Variants in C8orf82 observed in about 807,000 individuals in gnomAD.
The protein encoded by C8orf82 is chromosome 8 open reading frame 82.
C8orf82 carries 24 observed loss-of-function variants against 15.0 expected under a neutral mutation model. The observed-to-expected ratio is 1.60, with a 90% CI of 1.16 to 2.24. C8orf82 has a LOEUF of 2.24. C8orf82 is among the 30% of genes most tolerant of loss of function. C8orf82 has a pLI of 0.00. For missense variants in C8orf82, 388 were observed against 317.4 expected (o/e 1.22, Z -1.69); for synonymous variants, 205 against 152.2 (o/e 1.35, Z -2.55).
Position 144,527,612 on chromosome 8 carries a change from G to C in C8orf82, c.381C>G (p.Leu127=), listed in dbSNP as rs1816418434. ...GGGCCTCGCCACCGCCGCAGTAGGA[G>C]AGGCGCGGAGGCCCGTGGTCCGCGG... ...LLTADHGPPR[L]SYCGGGEALA... is the part of the protein sequence containing the mutation. The change falls in exon 3 of 3, where the codon CTC becomes CTG. Residue 127 remains leucine, a synonymous_variant. Transcript: ENST00000524821. The C allele has an allele frequency of 3.3e-6, 5 of 1,526,622 alleles. No homozygotes were observed. Among genetic ancestry groups the C allele is most frequent in the Non-Finnish European group, 4.4e-6 (5 of 1,141,708 alleles). The allele number at this position is 1,526,622 out of a possible 1,614,324, so 94.6% of individuals were successfully genotyped here.
At position 144,529,028 on chromosome 8, in the gene C8orf82, C is replaced by G. The variant is rs1414509406; in HGVS notation, c.-112G>C. 2.6e-6 allele frequency: 3 copies of G among 1,140,378 alleles called. No homozygotes were observed. The highest frequency in any genetic ancestry group is 3.4e-6 in the Non-Finnish European group (3 of 871,770). The allele number at this position is 1,140,378 out of a possible 1,614,324, so 70.6% of individuals were successfully genotyped here. On this transcript the variant is annotated 5_prime_UTR_variant, in exon 1 of 3. Transcript: ENST00000524821. ...CGCGTTCCGGCGGCGCCCGCCTCCG[C>G]GACCCGGGCCCGGCGCTCTTCCCTC...
chr8:144,528,178 T>C, intron 1 of C8orf82, 106 bp from the exon 2 acceptor site: 1 of 1,540,790 alleles, frequency 6.5e-7, no homozygotes, highest in Non-Finnish European at 8.8e-7. Context: ...CCGAGCCCAC[T>C]TTTCCTGCTT....
Position 144,529,060 on chromosome 8 carries a change from G to A in C8orf82, c.-144C>T, listed in dbSNP as rs949256402. On this transcript the variant is annotated 5_prime_UTR_variant, in exon 1 of 3. Coordinates refer to ENST00000524821, the MANE Select transcript of C8orf82 (RefSeq NM_001001795.2). ...GGCCCGGCGCTCTTCCCTCTCCCTCGGGCCTCGGGGGCTCGCCCGCCCTGG... is the reference window on the plus strand; with the variant it reads ...GGCCCGGCGCTCTTCCCTCTCCCTCAGGCCTCGGGGGCTCGCCCGCCCTGG... The A allele has an allele frequency of 3.8e-6, 3 of 782,114 alleles. No homozygotes were observed. Among genetic ancestry groups the A allele is most frequent in the Non-Finnish European group, 5.4e-6 (3 of 553,474 alleles). The allele number at this position is 782,114 out of a possible 1,614,324, so 48.4% of individuals were successfully genotyped here.
intron 1 of C8orf82, chr8:144,528,415 C>A: frequency 6.7e-7 from 1 of 1,490,048 alleles, no homozygotes; most frequent in Non-Finnish European, 8.9e-7. Flanking sequence ...CAAAAAAAGG[C>A]AGGGCGGCCC....
In C8orf82 at chr8:144,529,102, T is replaced by C; in HGVS notation, c.-186A>G. 1.9e-6 allele frequency: 1 copy of C among 516,688 alleles called. No homozygotes were observed. 32.0% of individuals were successfully genotyped at this position (516,688 alleles called of 1,614,324 possible). ...CCGCCCTGGCCTTCCGAGAGGCGTG[T>C]GCCGGTGACGCCCCTTCCGGTCCGC... On this transcript the variant is annotated 5_prime_UTR_variant, in exon 1 of 3. Coordinates refer to ENST00000524821, the MANE Select transcript of C8orf82 (RefSeq NM_001001795.2).
chr8:144,527,831 A>C (rs1816433162), intron 2 of C8orf82, 44 bp from the exon 3 acceptor site: 1 of 1,579,536 alleles, frequency 6.3e-7, no homozygotes, highest in Non-Finnish European at 8.6e-7. Context: ...TGGGCTCCCA[A>C]GGCCTCCGGG....
chr8:144,528,616 C>CGGGGGGGGGGG, intron 1 of C8orf82, 145 bp downstream of exon 1: 22 of 295,984 alleles, frequency 7.4e-5, no homozygotes, highest in Non-Finnish European at 1.1e-4. Flanking sequence ...GCGCAGGCCC[C>CGGGGGGGGGGG]GCCCACCCAC....
Position 144,527,275 on chromosome 8 carries a change from G to A in C8orf82, c.*67C>T. 2 of 1,070,632 alleles carry A rather than the reference G, an allele frequency of 1.9e-6. No homozygotes were observed. The highest frequency in any genetic ancestry group is 2.3e-6 in the Non-Finnish European group (2 of 864,672). 66.3% of individuals were successfully genotyped at this position (1,070,632 alleles called of 1,614,324 possible). On this transcript the variant is annotated 3_prime_UTR_variant, in exon 3 of 3. Coordinates refer to ENST00000524821, the MANE Select transcript of C8orf82 (RefSeq NM_001001795.2). ...GAGCGCGGGTGGCGCGGGCTTTCCGGGGCGTGGAGTCCCGGGGGAGCGGGG... is the reference window on the plus strand; with the variant it reads ...GAGCGCGGGTGGCGCGGGCTTTCCGAGGCGTGGAGTCCCGGGGGAGCGGGG...
At chr8:144,528,119 G>C (rs1420097185) in intron 1 of C8orf82, 47 bp from the exon 2 acceptor site, 11 of 1,601,362 alleles carry the variant, frequency 6.9e-6, no homozygotes, top group Non-Finnish European at 9.4e-6. Context: ...GTGCAGGTGG[G>C]GGCGGGGAAG....
chr8:144,527,355 G>T lies in C8orf82; in HGVS notation c.638C>A (p.Ala213Asp). Residue 213 changes from alanine to aspartate, a missense_variant, in exon 3 of 3, where the codon GCT becomes GAT. Coordinates refer to ENST00000524821, the MANE Select transcript of C8orf82 (RefSeq NM_001001795.2). ...CCTTGGCCCCGCTCAGGGCGACCGAGCCGCGAGCAGCAGCGGGGCCAGGTC... is the reference window on the plus strand; with the variant it reads ...CCTTGGCCCCGCTCAGGGCGACCGATCCGCGAGCAGCAGCGGGGCCAGGTC... ...TMDLAPLLLA[A>D]RSP The T allele has an allele frequency of 8.3e-7, 1 of 1,210,636 alleles. No homozygotes were observed. Among genetic ancestry groups the T allele is most frequent in the Non-Finnish European group, 1.0e-6 (1 of 969,490 alleles). The allele number at this position is 1,210,636 out of a possible 1,614,324, so 75.0% of individuals were successfully genotyped here.
In C8orf82 at chr8:144,527,515, C is replaced by A. The variant is rs1230007383; in HGVS notation, c.478G>T (p.Glu160Ter). The A allele has an allele frequency of 1.5e-6, 2 of 1,330,788 alleles. No homozygotes were observed. Among genetic ancestry groups the A allele is most frequent in the African/African-American group, 1.6e-5 (1 of 63,686 alleles). 82.4% of individuals were successfully genotyped at this position (1,330,788 alleles called of 1,614,324 possible). The change falls in exon 3 of 3, where the codon GAG (glutamate) becomes TAG (stop). Residue 160 changes from glutamate (E) to a stop codon, truncating the protein, a stop_gained. Coordinates refer to ENST00000524821, the MANE Select transcript of C8orf82 (RefSeq NM_001001795.2). LOFTEE classifies it high-confidence loss of function. ...ACCAGGCCCACGCCGCCCGCACGCTCCGGCGCCGGGTGGTACAGGCGCCCG... is the reference window on the plus strand; with the variant it reads ...ACCAGGCCCACGCCGCCCGCACGCTACGGCGCCGGGTGGTACAGGCGCCCG... Reference protein sequence around the residue: ...ANGRLYHPAPERAGGVGLVRS... With the variant: ...ANGRLYHPAP
rs1231335449 is a variant in C8orf82 at position 144,527,351 on chromosome 8, C to G, written c.642G>C (p.Arg214=). 7.5e-6 allele frequency: 9 copies of G among 1,205,778 alleles called. No homozygotes were observed. The highest frequency in any genetic ancestry group is 3.4e-4 in the Middle Eastern group (1 of 2,930). 74.7% of individuals were successfully genotyped at this position (1,205,778 alleles called of 1,614,324 possible). A position where few individuals can be genotyped will look rare whatever the true frequency, so the allele number is the denominator to read the frequency against. The part of the protein sequence containing the change: ...MDLAPLLLAA[R]SP Reference sequence around the variant, plus strand: ...TTTCCCTTGGCCCCGCTCAGGGCGACCGAGCCGCGAGCAGCAGCGGGGCCA... The same window carrying G: ...TTTCCCTTGGCCCCGCTCAGGGCGAGCGAGCCGCGAGCAGCAGCGGGGCCA... Residue 214 remains arginine, a synonymous_variant, in exon 3 of 3, where the codon CGG becomes CGC. Transcript: ENST00000524821.
At position 144,527,879 on chromosome 8, in the gene C8orf82, G is replaced by A. The variant is rs778023862; in HGVS notation, c.206-92C>T. The A allele has an allele frequency of 3.3e-6, 5 of 1,525,396 alleles. No homozygotes were observed. In the African/African-American group the frequency reaches 4.1e-5, roughly 12 times the overall value. The allele number at this position is 1,525,396 out of a possible 1,614,324, so 94.5% of individuals were successfully genotyped here. On this transcript the variant is annotated intron_variant, in intron 2 of 2. Transcript: ENST00000524821. The stretch of plus-strand genomic sequence containing the variant: ...CCGAGGGCAGGCGCCGACGGTAAGA[G>A]GTTCGCCTGGCCTCACTCAGCGGGG...
Position 144,528,999 on chromosome 8 carries a change from G to A in C8orf82, c.-83C>T, listed in dbSNP as rs1255110861. On this transcript the variant is annotated 5_prime_UTR_variant, in exon 1 of 3. Transcript: ENST00000524821. The stretch of plus-strand genomic sequence containing the variant: ...TCGCGCCTGCCCGCAGTAGCCCCGC[G>A]CTTCGCGTTCCGGCGGCGCCCGCCT... 3 of 1,342,882 alleles carry A rather than the reference G, an allele frequency of 2.2e-6. No individual in the cohort carries two copies. The highest frequency in any genetic ancestry group is 1.9e-6 in the Non-Finnish European group (2 of 1,043,312). 83.2% of individuals were successfully genotyped at this position (1,342,882 alleles called of 1,614,324 possible). A position where few individuals can be genotyped will look rare whatever the true frequency, so the allele number is the denominator to read the frequency against.
Position 144,528,939 on chromosome 8 carries a change from CCAG to C in C8orf82, c.-26_-24del. ...CATTCTCCTCCCGCGCCGGAAGCGACCAGCAGGTCACGCCGGGGGCGGTGCTGC... is the reference window on the plus strand; with the variant it reads ...CATTCTCCTCCCGCGCCGGAAGCGACCAGGTCACGCCGGGGGCGGTGCTGC... On this transcript the variant is annotated 5_prime_UTR_variant, in exon 1 of 3. Transcript: ENST00000524821. 2 of 1,497,340 alleles carry C rather than the reference CCAG, an allele frequency of 1.3e-6. No individual in the cohort carries two copies. The highest frequency in any genetic ancestry group is 1.5e-5 in the African/African-American group (1 of 68,716). The allele number at this position is 1,497,340 out of a possible 1,614,324, so 92.8% of individuals were successfully genotyped here.
Position 144,529,076 on chromosome 8 carries a change from C to T in C8orf82, c.-160G>A. 1.5e-6 allele frequency: 1 copy of T among 648,240 alleles called. No individual in the cohort carries two copies. Among genetic ancestry groups the T allele is most frequent in the Non-Finnish European group, 2.3e-6 (1 of 433,624 alleles). The allele number at this position is 648,240 out of a possible 1,614,324, so 40.2% of individuals were successfully genotyped here. A position where few individuals can be genotyped will look rare whatever the true frequency, so the allele number is the denominator to read the frequency against. ...CTCTCCCTCGGGCCTCGGGGGCTCG[C>T]CCGCCCTGGCCTTCCGAGAGGCGTG... On this transcript the variant is annotated 5_prime_UTR_variant, in exon 1 of 3. Transcript: ENST00000524821.
intron 2 of C8orf82, 84 bp downstream of exon 2, chr8:144,527,940 G>A (rs751923503): frequency 7.2e-6 from 11 of 1,529,142 alleles, no homozygotes; most frequent in Non-Finnish European, 1.0e-5. Context: ...TTGGTGCGCT[G>A]GGCCCGTCGG....
rs1443031585 is a variant in C8orf82, at chr8:144,529,035, G to A, written c.-119C>T. 8.3e-6 allele frequency: 9 copies of A among 1,081,840 alleles called. No homozygotes were observed. The highest frequency in any genetic ancestry group is 9.8e-6 in the Non-Finnish European group (8 of 820,042). 67.0% of individuals were successfully genotyped at this position (1,081,840 alleles called of 1,614,324 possible). ...CGGCGGCGCCCGCCTCCGCGACCCG[G>A]GCCCGGCGCTCTTCCCTCTCCCTCG... On this transcript the variant is annotated 5_prime_UTR_variant, in exon 1 of 3. Transcript: ENST00000524821.
chr8:144,527,666 G>A lies in C8orf82; in HGVS notation c.327C>T (p.Asp109=). 2 of 1,559,318 alleles carry A rather than the reference G, an allele frequency of 1.3e-6. No homozygotes were observed. Among genetic ancestry groups the A allele is most frequent in the Non-Finnish European group, 1.7e-6 (2 of 1,160,294 alleles). ...GRERNFLRCE[D]RPVVFTHLLT... ...GCAGGTGCGTGAAGACCACCGGCCG[G>A]TCCTCGCAGCGCAGGAAGTTGCGCT... Residue 109 remains aspartate (D), a synonymous_variant, in exon 3 of 3, where the codon GAC becomes GAT. Transcript: ENST00000524821.
Sources: gnomAD v4.1 joint callset for allele counts on GRCh38, gnomAD v4.1.1 for gene constraint, MANE v1.5 for transcripts, NCBI Gene and HGNC (gene_info 2026-07-23, HGNC 2026-07-21) for gene names.